Variants in UNC5D observed in about 807,000 individuals in gnomAD.
The protein encoded by UNC5D is unc-5 netrin receptor D, also known as netrin receptor UNC5D.
UNC5D carries 39 observed loss-of-function variants against 105.4 expected under a neutral mutation model. That is an observed-to-expected ratio of 0.37 (90% CI 0.29 to 0.48). UNC5D has a LOEUF of 0.48. Ranked by LOEUF, UNC5D falls within the 20% of genes least tolerant of loss-of-function variation. The pLI is 0.98. For missense variants in UNC5D, 991 were observed against 1,202.4 expected, an observed-to-expected ratio of 0.82 and a Z score of 2.60; for synonymous variants, 452 against 450.4, an observed-to-expected ratio of 1.00 and a Z score of -0.04.
At chr8:35,706,972 T>C (rs1317496852) in intron 8 of UNC5D, among the ~76,000 whole-genome samples, 1 of 152,176 alleles carries the variant, frequency 6.6e-6, no homozygotes, top group Non-Finnish European at 1.5e-5. Context: ...CTCTCATTAG[T>C]AGGAGATTAG....
chr8:35,722,381 A>T lies in UNC5D; in HGVS notation c.1289A>T (p.Lys430Ile). The change falls in exon 9 of 17, where the codon AAA becomes ATA. Residue 430 changes from lysine (K) to isoleucine (I), a missense_variant. By Grantham distance (102) the Lys-to-Ile change is moderately radical. Around this residue, in one of 3 missense-constraint regions of UNC5D, gnomAD observed 944 missense variants for 1,131.6 expected, o/e 0.83. Coordinates refer to ENST00000404895, the MANE Select transcript of UNC5D (RefSeq NM_080872.4). ...GGTGGCTTCCAGACCTTCAACTTCA[A>T]AACAGTCCGTCAAGGTCAGCGGCAT... ...LTGGFQTFNFKTVRQGNSLLL... is the reference protein window; with the variant it reads ...LTGGFQTFNFITVRQGNSLLL... 6.2e-7 allele frequency: 1 copy of T among 1,613,866 alleles called. No homozygotes were observed. Among genetic ancestry groups the T allele is most frequent in the Admixed American group, 1.7e-5 (1 of 60,008 alleles).
chr8:35,377,055 T>G (rs748929861), intron 1 of UNC5D, among the ~76,000 whole-genome samples: 1 of 152,232 alleles, frequency 6.6e-6, no homozygotes, highest in Non-Finnish European at 1.5e-5. Context: ...CATCTTCAGT[T>G]GGATATGAGG....
rs572537688 is a variant in UNC5D, at chr8:35,244,408, G to A, written c.103+8521G>A. On this transcript the variant is annotated intron_variant, in intron 1 of 16. Coordinates refer to ENST00000404895, the MANE Select transcript of UNC5D (RefSeq NM_080872.4). Reference sequence around the variant, plus strand: ...TGTGGATGTATAAGCATCGGAGACAGAAAGAGAAATAAATGGATAAAAATT... The same window carrying A: ...TGTGGATGTATAAGCATCGGAGACAAAAAGAGAAATAAATGGATAAAAATT... Among the ~76,000 whole-genome samples the A allele has an allele frequency of 2.2e-3, 336 of 152,290 alleles. 2 individuals are homozygous for A. The highest frequency in any genetic ancestry group is 7.5e-3 in the African/African-American group (311 of 41,570).
chr8:35,533,968 C>T (rs1420375837), intron 1 of UNC5D, among the ~76,000 whole-genome samples: 1 of 152,156 alleles, frequency 6.6e-6, no homozygotes, highest in African/African-American at 2.4e-5. Context: ...GTGAGATAAA[C>T]CCGGTACCTC....
At chr8:35,699,701 A>C (rs1294379875) in intron 7 of UNC5D, among the ~76,000 whole-genome samples, 1 of 152,138 alleles carries the variant, frequency 6.6e-6, no homozygotes, top group Non-Finnish European at 1.5e-5. Flanking sequence ...AGATCTTGTG[A>C]TGTCTATACA....
intron 8 of UNC5D, among the ~76,000 whole-genome samples, chr8:35,718,836 GTA>G (rs1273631091): frequency 6.6e-6 from 1 of 152,062 alleles, no homozygotes; most frequent in Non-Finnish European, 1.5e-5. Flanking sequence ...GGGTCGGGGG[GTA>G]TATGTTACAC....
intron 1 of UNC5D, among the ~76,000 whole-genome samples, chr8:35,332,737 G>A (rs1247234317): frequency 6.6e-6 from 1 of 152,206 alleles, no homozygotes; most frequent in Non-Finnish European, 1.5e-5. Context: ...CAGCTGATTA[G>A]TGCTAAATGC....
At position 35,401,165 on chromosome 8, in the gene UNC5D, A is replaced by G. The variant is rs1020769292; in HGVS notation, c.104-148127A>G. ...TAACCATGATAAAGATACTGCTATAAAAAACAAGGGTCCAGGTGCGGTGGC... is the reference window on the plus strand; with the variant it reads ...TAACCATGATAAAGATACTGCTATAGAAAACAAGGGTCCAGGTGCGGTGGC... On this transcript the variant is annotated intron_variant, in intron 1 of 16. Transcript: ENST00000404895. Among the ~76,000 whole-genome samples the G allele has an allele frequency of 5.3e-5, 8 of 152,234 alleles. No homozygotes were observed. The East Asian group carries it at 1.6e-3, about 30-fold the overall frequency.
At chr8:35,432,684 C>G (rs554594306) in intron 1 of UNC5D, among the ~76,000 whole-genome samples, 1 of 152,282 alleles carries the variant, frequency 6.6e-6, no homozygotes, top group Non-Finnish European at 1.5e-5. Context: ...ACGGGTCCCT[C>G]ATCAGTTAAA....
At chr8:35,610,233 T>TA (rs1820581527) in intron 4 of UNC5D, among the ~76,000 whole-genome samples, 1 of 152,268 alleles carries the variant, frequency 6.6e-6, no homozygotes, top group South Asian at 2.1e-4. Context: ...GAGCCAACTT[T>TA]AAAGCTCGAT....
At chr8:35,259,197 A>G (rs905604609) in intron 1 of UNC5D, among the ~76,000 whole-genome samples, 9 of 152,194 alleles carry the variant, frequency 5.9e-5, no homozygotes, top group African/African-American at 2.2e-4. Context: ...AAGAAAAGCC[A>G]GTGTATTAAA....
At chr8:35,608,798 C>T (rs915230437) in intron 4 of UNC5D, among the ~76,000 whole-genome samples, 21 of 109,058 alleles carry the variant, frequency 1.9e-4, no homozygotes, top group Non-Finnish European at 2.8e-4. Flanking sequence ...TGTATGTATA[C>T]ATTTTCTTTA....
At chr8:35,501,901 G>A (rs373247461) in intron 1 of UNC5D, among the ~76,000 whole-genome samples, 3 of 152,110 alleles carry the variant, frequency 2.0e-5, no homozygotes, top group South Asian at 2.1e-4. Context: ...CCCTAACTTC[G>A]GCATTAAACA....
At chr8:35,554,313 T>A (rs1342675262) in intron 2 of UNC5D, among the ~76,000 whole-genome samples, 1 of 152,252 alleles carries the variant, frequency 6.6e-6, no homozygotes, top group Non-Finnish European at 1.5e-5. Context: ...AAGTACAATT[T>A]ATTTGACATG....
chr8:35,526,709 T>C (rs556617475), intron 1 of UNC5D, among the ~76,000 whole-genome samples: 20 of 152,252 alleles, frequency 1.3e-4, no homozygotes, highest in African/African-American at 4.8e-4. Flanking sequence ...ATCTAAGAAA[T>C]GAGATCAATT....
intron 12 of UNC5D, among the ~76,000 whole-genome samples, chr8:35,749,089 ATGTC>A (rs776090144): frequency 1.2e-4 from 18 of 152,192 alleles, no homozygotes; most frequent in Non-Finnish European, 1.9e-4. Context: ...GAAAATAACT[ATGTC>A]TGTTTTTTTC....
intron 1 of UNC5D, among the ~76,000 whole-genome samples, chr8:35,403,344 T>C (rs1804593028): frequency 6.6e-6 from 1 of 152,220 alleles, no homozygotes. Flanking sequence ...TGCTTCTGTA[T>C]CTAGCCTAAA....
intron 1 of UNC5D, among the ~76,000 whole-genome samples, chr8:35,308,112 ATGTATGTGTG>A (rs1474793515): frequency 0.058 from 8,625 of 147,754 alleles, 319 homozygotes; most frequent in Non-Finnish European, 0.086. Context: ...CTATGTCACA[ATGTATGTGTG>A]TGTGTGTGTG....
At chr8:35,635,446 C>G (rs1822308707) in intron 4 of UNC5D, among the ~76,000 whole-genome samples, 1 of 152,142 alleles carries the variant, frequency 6.6e-6, no homozygotes, top group Non-Finnish European at 1.5e-5. Context: ...ACTCACCTAT[C>G]CAGGAAACCA....
Sources: gnomAD v4.1 joint callset for allele counts (sites outside exome capture counted in the v4.1 genomes callset) on GRCh38, gnomAD v4.1.1 for gene constraint, gnomAD v4.1.1 regional missense constraint, MANE v1.5 for transcripts, NCBI Gene and HGNC (gene_info 2026-07-23, HGNC 2026-07-21) for gene names.